NAV1: variants seen among roughly 807,000 people sequenced by gnomAD.
NAV1 encodes the protein pore membrane and/or filament interacting like protein 3.
NAV1 carries 18 observed loss-of-function variants against 175.2 expected under a neutral mutation model. The observed-to-expected ratio is 0.10, with a 90% CI of 0.07 to 0.15. The LOEUF is 0.15. NAV1 is among the 10% of genes least tolerant of loss of function. NAV1 has a pLI of 1.00. For missense variants in NAV1, 1,731 were observed against 2,436.6 expected (o/e 0.71, Z 6.10); for synonymous variants, 897 against 978.7 (o/e 0.92, Z 1.56).
chr1:201,819,273 T>G (rs1330619814), intron 29 of NAV1, among the ~76,000 whole-genome samples: 1 of 152,180 alleles, frequency 6.6e-6, no homozygotes, highest in African/African-American at 2.4e-5. Context: ...CTCATTCTTT[T>G]TTGGTATTCC....
intron 2 of NAV1, among the ~76,000 whole-genome samples, chr1:201,630,625 C>A (rs1425123740): frequency 1.3e-5 from 2 of 152,220 alleles, no homozygotes; most frequent in Non-Finnish European, 2.9e-5. Flanking sequence ...AACACTCATT[C>A]TTCCATGACA....
chr1:201,567,839 AT>A (rs1419431856), intron 1 of NAV1, among the ~76,000 whole-genome samples: 1 of 152,058 alleles, frequency 6.6e-6, no homozygotes, highest in Non-Finnish European at 1.5e-5. Flanking sequence ...TGTGTGTATT[AT>A]ATTTGTGAGA....
intron 3 of NAV1, among the ~76,000 whole-genome samples, chr1:201,775,737 T>A (rs1398866051): frequency 1.3e-5 from 2 of 152,186 alleles, no homozygotes; most frequent in East Asian, 3.8e-4. Context: ...CTGTTTAAAA[T>A]TTTTTAAAGA....
intron 1 of NAV1, among the ~76,000 whole-genome samples, chr1:201,655,809 C>T (rs1157156531): frequency 6.6e-6 from 1 of 152,170 alleles, no homozygotes; most frequent in East Asian, 1.9e-4. Flanking sequence ...GCAGGGTGAC[C>T]CGCTTTTCAC....
chr1:201,639,840 T>G (rs909724376), intron 2 of NAV1, among the ~76,000 whole-genome samples: 8 of 152,170 alleles, frequency 5.3e-5, no homozygotes, highest in African/African-American at 1.9e-4. Flanking sequence ...GGCTCTGGTC[T>G]TGTTTACTTG....
chr1:201,742,606 C>A (rs557351515), intron 3 of NAV1, among the ~76,000 whole-genome samples: 1 of 152,144 alleles, frequency 6.6e-6, no homozygotes, highest in Non-Finnish European at 1.5e-5. Flanking sequence ...CCATTCAGCA[C>A]TCCTAGACTC....
chr1:201,749,627 T>C (rs1464438430), intron 3 of NAV1, among the ~76,000 whole-genome samples: 1 of 152,210 alleles, frequency 6.6e-6, no homozygotes, highest in Non-Finnish European at 1.5e-5. Context: ...ATTACATAAA[T>C]TGATGAAATA....
chr1:201,812,033 ACTCT>A lies in NAV1; in HGVS notation c.5024+60_5024+63del. On this transcript the variant is annotated intron_variant, in intron 26 of 29. Transcript: ENST00000367296. The surrounding 1 kb of genome is among the most constrained non-coding windows in gnomAD (Gnocchi z 4.6). ...CCTACCCAAGAGTCTTCAATCCTGG[ACTCT>A]GGCCAGGAGGCAGTAGATAGGAGAA... 1 of 1,499,484 alleles carries A rather than the reference ACTCT, an allele frequency of 6.7e-7. No individual in the cohort carries two copies. The highest frequency in any genetic ancestry group is 9.3e-7 in the Non-Finnish European group (1 of 1,075,744). The allele number at this position is 1,499,484 out of a possible 1,614,324, so 92.9% of individuals were successfully genotyped here. A position where few individuals can be genotyped will look rare whatever the true frequency, so the allele number is the denominator to read the frequency against.
At chr1:201,769,228 T>A (rs940353299) in intron 3 of NAV1, among the ~76,000 whole-genome samples, 2 of 152,246 alleles carry the variant, frequency 1.3e-5, no homozygotes, top group Non-Finnish European at 2.9e-5. Flanking sequence ...ATGTTCTTTT[T>A]ATTTTGATCC....
chr1:201,772,216 T>C (rs957179696), intron 3 of NAV1, among the ~76,000 whole-genome samples: 7 of 152,226 alleles, frequency 4.6e-5, no homozygotes, highest in Admixed American at 2.6e-4. Context: ...GAATGGGATT[T>C]TTCTGGCAAG....
intron 2 of NAV1, among the ~76,000 whole-genome samples, chr1:201,638,967 G>C (rs969471353): frequency 6.6e-6 from 1 of 152,182 alleles, no homozygotes; most frequent in African/African-American, 2.4e-5. Context: ...GGCAGAATGT[G>C]GGTACCCAGC....
intron 2 of NAV1, among the ~76,000 whole-genome samples, chr1:201,639,614 A>T (rs1668695021): frequency 6.6e-6 from 1 of 152,168 alleles, no homozygotes; most frequent in Admixed American, 6.5e-5. Context: ...TTTCTAGCTG[A>T]GAAACCCTTG....
chr1:201,708,118 T>G (rs1025358920), intron 1 of NAV1, among the ~76,000 whole-genome samples: 2 of 152,170 alleles, frequency 1.3e-5, no homozygotes, highest in Admixed American at 6.5e-5. Flanking sequence ...CAGTATGCTC[T>G]CTCTGTGGTC....
At chr1:201,602,313 G>T (rs370647346) in intron 2 of NAV1, among the ~76,000 whole-genome samples, 2 of 152,050 alleles carry the variant, frequency 1.3e-5, no homozygotes, top group Non-Finnish European at 2.9e-5. Flanking sequence ...GTTGCAATTC[G>T]GTTCTTCTCT....
At chr1:201,608,905 G>C (rs1431887950) in intron 2 of NAV1, among the ~76,000 whole-genome samples, 1 of 152,194 alleles carries the variant, frequency 6.6e-6, no homozygotes, top group Admixed American at 6.5e-5. Flanking sequence ...GTTTTAGCTT[G>C]GCTCTGAGGG....
chr1:201,675,094 C>T (rs751844873), intron 1 of NAV1, among the ~76,000 whole-genome samples: 1 of 151,954 alleles, frequency 6.6e-6, no homozygotes, highest in Non-Finnish European at 1.5e-5. Context: ...GGGATCCACT[C>T]CCATGACCCA....
intron 1 of NAV1, among the ~76,000 whole-genome samples, chr1:201,652,933 T>A (rs2102339985): frequency 6.6e-6 from 1 of 152,290 alleles, no homozygotes; most frequent in East Asian, 1.9e-4. Flanking sequence ...ACCTTAAACG[T>A]GCTCAGAACA....
rs572005947 is a variant in NAV1 at position 201,564,618 on chromosome 1, G to C, written c.-143-23921G>C. On this transcript the variant is annotated intron_variant, in intron 1 of 33. Coordinates refer to the NAV1 transcript ENST00000685211. ...AGCATGGGCAACAGAGTGAGACTCT[G>C]TCTCAAATAAATAAATAAATAGGAA... Among the ~76,000 whole-genome samples, 3 of 152,314 alleles carry C rather than the reference G, an allele frequency of 2.0e-5. No individual in the cohort carries two copies. The South Asian group carries it at 6.2e-4, about 32-fold the overall frequency.
At chr1:201,802,839 G>A (rs1678025051) in intron 15 of NAV1, among the ~76,000 whole-genome samples, 2 of 151,932 alleles carry the variant, frequency 1.3e-5, no homozygotes, top group Admixed American at 1.3e-4. Context: ...TCTGGCCTGA[G>A]CCTAATCTCC....
Sources: gnomAD v4.1 joint callset for allele counts (sites outside exome capture counted in the v4.1 genomes callset) on GRCh38, gnomAD v4.1.1 for gene constraint, Gnocchi (gnomAD v3.1) non-coding constraint, MANE v1.5 for transcripts, NCBI Gene and HGNC (gene_info 2026-07-23, HGNC 2026-07-21) for gene names.